Variants in ANKS1B observed in about 807,000 individuals in gnomAD.
The protein encoded by ANKS1B is ankyrin repeat and sterile alpha motif domain containing 1B.
A neutral mutation model predicts 148.3 loss-of-function variants in ANKS1B; 36 were observed. That is an observed-to-expected ratio of 0.24 (90% CI 0.19 to 0.32). The LOEUF (loss-of-function observed/expected upper bound fraction) is 0.32. ANKS1B is among the 10% of genes least tolerant of loss of function. ANKS1B has a pLI of 1.00. For missense variants in ANKS1B, 1,157 were observed against 1,542.6 expected (o/e 0.75, Z 4.19); for synonymous variants, 542 against 560.8 (o/e 0.97, Z 0.47).
chr12:99,548,574 T>C (rs2097191309), intron 9 of ANKS1B, among the ~76,000 whole-genome samples: 1 of 152,044 alleles, frequency 6.6e-6, no homozygotes, highest in Admixed American at 6.6e-5. Context: ...TTAACTTCTT[T>C]AAAAATGTAA....
At chr12:98,784,692 C>T (rs2098773126) in intron 22 of ANKS1B, among the ~76,000 whole-genome samples, 2 of 152,188 alleles carry the variant, frequency 1.3e-5, no homozygotes, top group African/African-American at 4.8e-5. Context: ...AGCTCTTGAG[C>T]TGACATGAAG....
At chr12:99,580,874 T>C (rs569113224) in intron 9 of ANKS1B, among the ~76,000 whole-genome samples, 1 of 152,302 alleles carries the variant, frequency 6.6e-6, no homozygotes, top group African/African-American at 2.4e-5. Context: ...TGTACAATCA[T>C]TATGTGCCAA....
Position 99,943,641 on chromosome 12 carries a change from A to G in ANKS1B, c.134+40463T>C, listed in dbSNP as rs138369625. Among the ~76,000 whole-genome samples, 411 of 152,170 alleles carry G rather than the reference A, an allele frequency of 2.7e-3. 2 individuals are homozygous for G. Among genetic ancestry groups the G allele is most frequent in the African/African-American group, 6.3e-3 (263 of 41,530 alleles). On this transcript the variant is annotated intron_variant, in intron 1 of 26. Transcript: ENST00000683438. The stretch of plus-strand genomic sequence containing the variant: ...CCAGATCTCGTGAGACTTACTCACT[A>G]TCATGAGAACAGTATGGGAAAGACC...
At chr12:99,941,139 A>G (rs1413502252) in intron 1 of ANKS1B, among the ~76,000 whole-genome samples, 1 of 152,146 alleles carries the variant, frequency 6.6e-6, no homozygotes, top group East Asian at 1.9e-4. Context: ...CAGAGGCAGG[A>G]ATATAGAGGA....
intron 1 of ANKS1B, among the ~76,000 whole-genome samples, chr12:99,940,846 A>T (rs1238256260): frequency 6.6e-6 from 1 of 152,198 alleles, no homozygotes; most frequent in Non-Finnish European, 1.5e-5. Context: ...AGCTAAGATA[A>T]GGAAGGGCAT....
intron 22 of ANKS1B, among the ~76,000 whole-genome samples, chr12:98,789,225 C>T (rs770934198): frequency 4.9e-4 from 75 of 152,202 alleles, no homozygotes; most frequent in Middle Eastern, 6.8e-3. Flanking sequence ...CGCCTGTAAT[C>T]CCAGCTACTC....
intron 17 of ANKS1B, among the ~76,000 whole-genome samples, chr12:98,983,938 G>A (rs1047254401): frequency 5.9e-5 from 9 of 152,106 alleles, no homozygotes; most frequent in South Asian, 2.1e-4. Flanking sequence ...CCTGCTTCTC[G>A]CAGTAGAATT....
intron 8 of ANKS1B, among the ~76,000 whole-genome samples, chr12:99,755,758 A>G (rs1325436820): frequency 6.6e-6 from 1 of 152,174 alleles, no homozygotes; most frequent in Non-Finnish European, 1.5e-5. Flanking sequence ...CAAAAATCAC[A>G]TAATTATCAC....
At chr12:99,648,451 G>GC (rs2098394116) in intron 9 of ANKS1B, 1 of 1,614,044 alleles carries the variant, frequency 6.2e-7, no homozygotes. Context: ...CCGACCAGCT[G>GC]CTGTCTGTGA....
At position 99,772,935 on chromosome 12, in the gene ANKS1B, C is replaced by G; in HGVS notation, c.1115G>C (p.Gly372Ala). ...KISEEELGKN[G>A]SQSVRTSSTI... is the part of the protein sequence containing the mutation. ...CGCCTTACTTACTACACTCTGGCTT[C>G]CATTTTTCCCAAGTTCTTCCTCTGA... Residue 372 changes from glycine (G) to alanine (A), a missense_variant, in exon 8 of 27, where the codon GGA becomes GCA. Physicochemically the swap from Gly to Ala is moderately conservative, Grantham distance 60 (BLOSUM62 0). Transcript: ENST00000683438. The G allele has an allele frequency of 6.2e-7, 1 of 1,610,564 alleles. No individual in the cohort carries two copies. The highest frequency in any genetic ancestry group is 8.5e-7 in the Non-Finnish European group (1 of 1,178,352).
At chr12:99,722,495 GCA>G (rs1432010695) in intron 8 of ANKS1B, among the ~76,000 whole-genome samples, 1 of 152,196 alleles carries the variant, frequency 6.6e-6, no homozygotes, top group East Asian at 1.9e-4. Flanking sequence ...TTTGTTTACA[GCA>G]CAGTTTACTG....
At chr12:99,786,888 C>T (rs1043588852) in intron 4 of ANKS1B, among the ~76,000 whole-genome samples, 2 of 151,680 alleles carry the variant, frequency 1.3e-5, no homozygotes, top group African/African-American at 4.8e-5. Flanking sequence ...AATAAAAATA[C>T]AAAAGAATAA....
At chr12:98,800,428 C>T (rs1203446071) in intron 21 of ANKS1B, among the ~76,000 whole-genome samples, 1 of 151,982 alleles carries the variant, frequency 6.6e-6, no homozygotes, top group Non-Finnish European at 1.5e-5. Flanking sequence ...TCAAGACAAC[C>T]ACCACCTGAC....
chr12:99,533,804 C>T (rs1331394709), intron 9 of ANKS1B, among the ~76,000 whole-genome samples: 1 of 152,042 alleles, frequency 6.6e-6, no homozygotes, highest in Non-Finnish European at 1.5e-5. Flanking sequence ...CACAGAAATC[C>T]ATACAATTCC....
At chr12:99,212,958 T>C (rs1370937439) in intron 14 of ANKS1B, among the ~76,000 whole-genome samples, 4 of 152,196 alleles carry the variant, frequency 2.6e-5, no homozygotes, top group Non-Finnish European at 5.9e-5. Context: ...GAAGGTCCTT[T>C]CCCAGAGTTG....
intron 25 of ANKS1B, among the ~76,000 whole-genome samples, chr12:98,763,256 G>A (rs995865967): frequency 1.3e-5 from 2 of 152,136 alleles, no homozygotes; most frequent in Non-Finnish European, 2.9e-5. Context: ...AGAATATTCT[G>A]GGCATATTCA....
downstream of ANKS1B, chr12:98,743,961 T>C (rs1342582128): frequency 4.1e-6 from 4 of 972,906 alleles, no homozygotes; most frequent in Non-Finnish European, 4.9e-6. Flanking sequence ...CACAGAACGA[T>C]GCCAAGCACC....
At chr12:99,897,245 A>T (rs79515472) in intron 1 of ANKS1B, among the ~76,000 whole-genome samples, 1 of 151,332 alleles carries the variant, frequency 6.6e-6, no homozygotes, top group Non-Finnish European at 1.5e-5. Context: ...AAAAACTGAC[A>T]TGAACACTAC....
intron 8 of ANKS1B, among the ~76,000 whole-genome samples, chr12:99,767,373 C>T (rs146753935): frequency 6.2e-4 from 94 of 151,806 alleles, no homozygotes; most frequent in African/African-American, 2.2e-3. Context: ...TAAAGACATA[C>T]GCTGATGAGG....
Sources: gnomAD v4.1 joint callset for allele counts (sites outside exome capture counted in the v4.1 genomes callset) on GRCh38, gnomAD v4.1.1 for gene constraint, MANE v1.5 for transcripts, NCBI Gene and HGNC (gene_info 2026-07-23, HGNC 2026-07-21) for gene names.